The following EPHB1 variants were observed in gnomAD, a reference collection of about 807,000 sequenced individuals.
EPHB1 encodes the protein ephrin type-B receptor 1.
Under a neutral mutation model 94.4 loss-of-function variants are expected in EPHB1, and 30 were observed. The observed-to-expected ratio is 0.32, with a 90% CI of 0.24 to 0.43. The LOEUF is 0.43. Among genes scored for constraint, EPHB1 ranks in the 20% least tolerant of loss-of-function variants. EPHB1 has a pLI of 1.00. For synonymous variants in EPHB1, 522 were observed against 489.1 expected, an observed-to-expected ratio of 1.07 and a Z score of -0.89; for missense variants, 1,055 against 1,308.3, an observed-to-expected ratio of 0.81 and a Z score of 2.99.
chr3:135,152,702 T>C (rs1941230296), intron 5 of EPHB1, among the ~76,000 whole-genome samples: 1 of 152,070 alleles, frequency 6.6e-6, no homozygotes, highest in Non-Finnish European at 1.5e-5. Context: ...CCCATCAGAG[T>C]AGTCCCATAT....
At chr3:135,003,417 GA>G (rs776049542) in intron 3 of EPHB1, among the ~76,000 whole-genome samples, 14,569 of 149,510 alleles carry the variant, frequency 0.097, 940 homozygotes, top group Non-Finnish European at 0.15. Context: ...GTGTGGTGCT[GA>G]AAAAAATGTA....
In EPHB1 at chr3:134,844,175, T is replaced by C. The variant is rs138971871; in HGVS notation, c.58+48486T>C. 6.3e-3 allele frequency among the ~76,000 whole-genome samples: 959 copies of C among 152,382 alleles called. 5 individuals are homozygous for C. The highest frequency in any genetic ancestry group is 0.037 in the South Asian group (180 of 4,832). ...TAGCTTTAATTTTTGTTTTTATTTT[T>C]ATGTCTTGCTTCTTAGAGGTCTGTG... is the stretch of plus-strand genomic sequence containing the variant. On this transcript the variant is annotated intron_variant, in intron 1 of 15. Transcript: ENST00000398015.
At chr3:135,096,891 A>T (rs187167332) in intron 3 of EPHB1, among the ~76,000 whole-genome samples, 1 of 152,154 alleles carries the variant, frequency 6.6e-6, no homozygotes, top group Non-Finnish European at 1.5e-5. Flanking sequence ...AGGTCGGGAG[A>T]TCGAGACCAT....
chr3:135,055,515 G>T (rs972948453), intron 3 of EPHB1, among the ~76,000 whole-genome samples: 8 of 152,160 alleles, frequency 5.3e-5, no homozygotes, highest in African/African-American at 1.7e-4. Context: ...GTCCACAATG[G>T]CCATCAGCTA....
At chr3:134,869,035 C>A (rs1045083995) in intron 1 of EPHB1, among the ~76,000 whole-genome samples, 5 of 152,238 alleles carry the variant, frequency 3.3e-5, no homozygotes, top group Admixed American at 2.0e-4. Flanking sequence ...AGCCACTTAA[C>A]ATTTCTGTGC....
At chr3:134,915,799 C>T (rs961102466) in intron 1 of EPHB1, among the ~76,000 whole-genome samples, 8 of 152,066 alleles carry the variant, frequency 5.3e-5, no homozygotes, top group Non-Finnish European at 1.0e-4. Flanking sequence ...TGCAGACCTT[C>T]GCGGTGAGTG....
At chr3:135,061,852 G>T (rs953529819) in intron 3 of EPHB1, among the ~76,000 whole-genome samples, 1 of 152,046 alleles carries the variant, frequency 6.6e-6, no homozygotes, top group Non-Finnish European at 1.5e-5. Context: ...GCGGTGTTTG[G>T]TTTTTTGTCC....
In EPHB1 at chr3:134,914,548, T is replaced by G. The variant is rs568217583; in HGVS notation, c.59-11268T>G. ...CCACACTGGCATGTAGCTGCCTCCT[T>G]GTGTGGGGGACTACAGGACTCTGGG... On this transcript the variant is annotated intron_variant, in intron 1 of 15. Transcript: ENST00000398015. 2.0e-5 allele frequency among the ~76,000 whole-genome samples: 3 copies of G among 152,162 alleles called. No homozygotes were observed. In the South Asian group the frequency reaches 6.2e-4, roughly 32 times the overall value.
At position 135,259,426 on chromosome 3, in the gene EPHB1, C is replaced by T; in HGVS notation, c.*306C>T. The T allele has an allele frequency of 4.2e-6, 1 of 236,146 alleles. No homozygotes were observed. The allele number at this position is 236,146 out of a possible 1,614,324, so 14.6% of individuals were successfully genotyped here. On this transcript the variant is annotated 3_prime_UTR_variant, in exon 16 of 16. Transcript: ENST00000398015. Reference sequence around the variant, plus strand: ...CAAGAGTAAACCCAGCTCCCATTCTCAGTGGGCTGCAGTTGCCCAACCACA... The same window carrying T: ...CAAGAGTAAACCCAGCTCCCATTCTTAGTGGGCTGCAGTTGCCCAACCACA...
intron 4 of EPHB1, among the ~76,000 whole-genome samples, chr3:135,119,840 A>T (rs1243716667): frequency 1.3e-5 from 2 of 152,180 alleles, no homozygotes; most frequent in Non-Finnish European, 2.9e-5. Context: ...ATGTGATATC[A>T]GTATTCTTTT....
At chr3:135,044,783 G>A (rs763507453) in intron 3 of EPHB1, among the ~76,000 whole-genome samples, 7 of 152,194 alleles carry the variant, frequency 4.6e-5, no homozygotes, top group African/African-American at 7.2e-5. Flanking sequence ...TTTTTAAAGC[G>A]GTGTCTTAAA....
chr3:135,053,027 G>GTATATATATATATATATATATATA (rs1243029809), intron 3 of EPHB1, among the ~76,000 whole-genome samples: 3 of 110,472 alleles, frequency 2.7e-5, no homozygotes, highest in African/African-American at 1.3e-4. Flanking sequence ...GTGTGTGTGT[G>GTATATATATATATATATATATATA]TATATATATA....
chr3:135,093,721 C>CAAAAAAAAAAAAAAAAAA (rs11297040), intron 3 of EPHB1, among the ~76,000 whole-genome samples: 1 of 140,500 alleles, frequency 7.1e-6, no homozygotes. Flanking sequence ...GACCCTGACT[C>CAAAAAAAAAAAAAAAAAA]AAAAAAAAAA....
chr3:134,991,126 G>GCTCACA (rs1238405599), intron 3 of EPHB1, among the ~76,000 whole-genome samples: 1 of 152,064 alleles, frequency 6.6e-6, no homozygotes, highest in African/African-American at 2.4e-5. Context: ...TTTCATTTGT[G>GCTCACA]CTCACATTTA....
At chr3:134,856,151 C>A (rs2037111841) in intron 1 of EPHB1, among the ~76,000 whole-genome samples, 1 of 152,182 alleles carries the variant, frequency 6.6e-6, no homozygotes, top group African/African-American at 2.4e-5. Context: ...TGTCCCACCA[C>A]CCCACCTTGG....
intron 5 of EPHB1, among the ~76,000 whole-genome samples, chr3:135,133,802 G>A (rs1030767291): frequency 5.3e-5 from 8 of 152,076 alleles, no homozygotes; most frequent in Non-Finnish European, 1.2e-4. Flanking sequence ...ACTTTTCACA[G>A]CTCTTGCAAG....
At chr3:135,193,307 G>A (rs141632062) in intron 11 of EPHB1, among the ~76,000 whole-genome samples, 1,975 of 152,330 alleles carry the variant, frequency 0.013, 38 homozygotes, top group African/African-American at 0.046. Context: ...TAGGGAAGGG[G>A]AAGACTGCAT....
At chr3:135,154,388 G>C in intron 6 of EPHB1, 112 bp downstream of exon 6, 1 of 1,467,498 alleles carries the variant, frequency 6.8e-7, no homozygotes, top group Admixed American at 2.0e-5. Context: ...GGAGGATTCT[G>C]GTGACAGAGG....
intron 6 of EPHB1, among the ~76,000 whole-genome samples, chr3:135,157,291 A>G (rs1690367938): frequency 6.6e-6 from 1 of 152,180 alleles, no homozygotes; most frequent in African/African-American, 2.4e-5. Context: ...TAGCCAGGGC[A>G]GGGGTCAAGG....
Sources: gnomAD v4.1 joint callset for allele counts (sites outside exome capture counted in the v4.1 genomes callset) on GRCh38, gnomAD v4.1.1 for gene constraint, MANE v1.5 for transcripts, NCBI Gene and HGNC (gene_info 2026-07-23, HGNC 2026-07-21) for gene names.